The following AUTS2 variants were observed in gnomAD, a reference collection of about 807,000 sequenced individuals.
AUTS2 encodes autism susceptibility gene 2 protein.
A neutral mutation model predicts 112.4 loss-of-function variants in AUTS2; 17 were observed. That is an observed-to-expected ratio of 0.15 (90% CI 0.10 to 0.23). The LOEUF is 0.23. Among genes scored for constraint, AUTS2 ranks in the 10% least tolerant of loss-of-function variants. AUTS2 has a pLI of 1.00. For missense variants in AUTS2, 1,510 were observed against 1,701.6 expected, an observed-to-expected ratio of 0.89 and a Z score of 1.98; for synonymous variants, 751 against 702.7, an observed-to-expected ratio of 1.07 and a Z score of -1.09.
At chr7:70,071,523 G>A (rs576172196) in intron 2 of AUTS2, among the ~76,000 whole-genome samples, 52 of 152,278 alleles carry the variant, frequency 3.4e-4, no homozygotes, top group African/African-American at 1.1e-3. Flanking sequence ...GCTTATCATC[G>A]ACACAGTAGT....
At chr7:70,043,883 A>G (rs1159800955) in intron 2 of AUTS2, among the ~76,000 whole-genome samples, 1 of 151,816 alleles carries the variant, frequency 6.6e-6, no homozygotes, top group Non-Finnish European at 1.5e-5. Context: ...TGCTGGGATT[A>G]CAGGCGTGAG....
At chr7:69,747,764 C>CAG (rs10695530) in intron 1 of AUTS2, among the ~76,000 whole-genome samples, 127,633 of 150,422 alleles carry the variant, frequency 0.85, 54,354 homozygotes, top group African/African-American at 0.93. Context: ...ATGTGTGTGA[C>CAG]AGACAGAGAG....
intron 4 of AUTS2, among the ~76,000 whole-genome samples, chr7:70,195,814 C>G (rs1810141680): frequency 1.3e-5 from 2 of 152,146 alleles, no homozygotes; most frequent in South Asian, 2.1e-4. Context: ...CTAAAATACT[C>G]TCTGGGCAAT....
chr7:70,363,639 T>A (rs959939815), intron 4 of AUTS2, among the ~76,000 whole-genome samples: 1 of 152,158 alleles, frequency 6.6e-6, no homozygotes, highest in Non-Finnish European at 1.5e-5. Flanking sequence ...AACGGGTATT[T>A]ATATAATTAA....
intron 1 of AUTS2, among the ~76,000 whole-genome samples, chr7:69,789,483 G>C (rs989438199): frequency 1.4e-4 from 22 of 152,184 alleles, no homozygotes; most frequent in African/African-American, 5.3e-4. Context: ...GTAAGTCCCT[G>C]TTGTTTCTGT....
At chr7:70,573,964 CCT>C (rs1466537903) in intron 5 of AUTS2, among the ~76,000 whole-genome samples, 3 of 152,056 alleles carry the variant, frequency 2.0e-5, no homozygotes, top group Non-Finnish European at 4.4e-5. Flanking sequence ...TGAAGCAGCC[CCT>C]GTTTCTCCAT....
intron 1 of AUTS2, among the ~76,000 whole-genome samples, chr7:69,757,787 A>G (rs1054191722): frequency 2.6e-5 from 4 of 152,202 alleles, no homozygotes; most frequent in African/African-American, 9.6e-5. Flanking sequence ...TCACTGTATG[A>G]ACTTACTAAA....
intron 2 of AUTS2, among the ~76,000 whole-genome samples, chr7:70,097,131 G>A (rs1804247501): frequency 6.6e-6 from 1 of 152,192 alleles, no homozygotes; most frequent in Non-Finnish European, 1.5e-5. Context: ...TATGATATAA[G>A]AACAGTCATT....
chr7:70,091,676 T>C (rs915686310), intron 2 of AUTS2, among the ~76,000 whole-genome samples: 2 of 152,118 alleles, frequency 1.3e-5, no homozygotes, highest in Non-Finnish European at 2.9e-5. Flanking sequence ...CTCCTGAGAT[T>C]CTTGGCAGAT....
At chr7:70,228,622 A>C (rs941397609) in intron 4 of AUTS2, among the ~76,000 whole-genome samples, 1 of 151,910 alleles carries the variant, frequency 6.6e-6, no homozygotes, top group African/African-American at 2.4e-5. Context: ...CTACCTTAAC[A>C]CAGTCTATTT....
intron 1 of AUTS2, among the ~76,000 whole-genome samples, chr7:69,851,076 A>G (rs1308140029): frequency 6.6e-6 from 1 of 152,178 alleles, no homozygotes; most frequent in African/African-American, 2.4e-5. Flanking sequence ...TGAATAATCT[A>G]ATTGCTTCAA....
At chr7:69,719,666 T>G (rs1163703257) in intron 1 of AUTS2, among the ~76,000 whole-genome samples, 1 of 152,208 alleles carries the variant, frequency 6.6e-6, no homozygotes, top group Non-Finnish European at 1.5e-5. Flanking sequence ...AGCTCAGAAT[T>G]CGTATATTTT....
intron 5 of AUTS2, among the ~76,000 whole-genome samples, chr7:70,696,172 A>G (rs1211354261): frequency 6.6e-6 from 1 of 152,222 alleles, no homozygotes; most frequent in Non-Finnish European, 1.5e-5. Flanking sequence ...AAGTAGAAGG[A>G]AAGTTCGTTG....
chr7:70,415,897 A>G (rs535529109), intron 4 of AUTS2, among the ~76,000 whole-genome samples: 1 of 152,334 alleles, frequency 6.6e-6, no homozygotes, highest in East Asian at 1.9e-4. Context: ...CACAGCGCCG[A>G]CAGCTGAGTT....
chr7:69,674,942 C>T (rs1011369655), intron 1 of AUTS2, among the ~76,000 whole-genome samples: 3 of 152,168 alleles, frequency 2.0e-5, no homozygotes, highest in African/African-American at 7.2e-5. Context: ...AATTTGGGCT[C>T]CTGTGTATTT....
intron 5 of AUTS2, among the ~76,000 whole-genome samples, chr7:70,615,498 G>C (rs893685542): frequency 6.6e-6 from 1 of 151,958 alleles, no homozygotes; most frequent in Non-Finnish European, 1.5e-5. Flanking sequence ...CAAGGTGCAG[G>C]AAAAGTCTAG....
chr7:70,503,050 G>A (rs566635088), intron 5 of AUTS2, among the ~76,000 whole-genome samples: 1 of 152,192 alleles, frequency 6.6e-6, no homozygotes, highest in African/African-American at 2.4e-5. Context: ...GTGCTCCCCA[G>A]GGTGGGGAGG....
intron 5 of AUTS2, among the ~76,000 whole-genome samples, chr7:70,587,203 G>A (rs1802727562): frequency 6.6e-6 from 1 of 152,104 alleles, no homozygotes; most frequent in African/African-American, 2.4e-5. Context: ...TCTGCCTCCT[G>A]AGTAGCTGGA....
intron 2 of AUTS2, among the ~76,000 whole-genome samples, chr7:70,058,291 A>C (rs1802083299): frequency 6.6e-6 from 1 of 152,334 alleles, no homozygotes; most frequent in East Asian, 1.9e-4. Flanking sequence ...TTTGTCCTAT[A>C]CATGTGGTAT....
Sources: gnomAD v4.1 joint callset for allele counts (sites outside exome capture counted in the v4.1 genomes callset) on GRCh38, gnomAD v4.1.1 for gene constraint, MANE v1.5 for transcripts, NCBI Gene and HGNC (gene_info 2026-07-23, HGNC 2026-07-21) for gene names.